HS6ST3: variants seen among roughly 807,000 people sequenced by gnomAD.
HS6ST3 encodes the protein heparan-sulfate 6-O-sulfotransferase 3.
In HS6ST3, 12 loss-of-function variants were observed where a neutral mutation model predicts 36.7. The ratio of observed to expected loss-of-function variants is 0.33; its 90% CI spans 0.21 to 0.53. The LOEUF (loss-of-function observed/expected upper bound fraction) is 0.53, where lower values mean the gene tolerates loss of function less well. Among genes scored for constraint, HS6ST3 ranks in the 20% least tolerant of loss-of-function variants. The pLI is 0.95. For missense variants in HS6ST3, 584 were observed against 640.9 expected (o/e 0.91, Z 0.96); for synonymous variants, 240 against 257.5 (o/e 0.93, Z 0.65).
At chr13:96,154,143 TATA>T (rs986367249) in intron 1 of HS6ST3, among the ~76,000 whole-genome samples, 6 of 152,140 alleles carry the variant, frequency 3.9e-5, no homozygotes, top group Admixed American at 6.5e-5. Flanking sequence ...TAATATTAAT[TATA>T]ATGTTAATAT....
chr13:96,509,454 C>G (rs909174443), intron 1 of HS6ST3, among the ~76,000 whole-genome samples: 3 of 152,036 alleles, frequency 2.0e-5, no homozygotes, highest in African/African-American at 4.8e-5. Flanking sequence ...CCAATGTTGT[C>G]TTATAGAATG....
At chr13:96,330,496 T>C (rs1008695279) in intron 1 of HS6ST3, among the ~76,000 whole-genome samples, 3 of 151,762 alleles carry the variant, frequency 2.0e-5, no homozygotes, top group African/African-American at 7.2e-5. Context: ...TCTTTAAGAA[T>C]GTTGAATATT....
intron 1 of HS6ST3, among the ~76,000 whole-genome samples, chr13:96,685,529 A>C (rs2138440672): frequency 6.6e-6 from 1 of 152,132 alleles, no homozygotes; most frequent in South Asian, 2.1e-4. Context: ...CTACATAGAA[A>C]ATGAACCTGA....
chr13:96,247,387 G>A (rs959437894), intron 1 of HS6ST3, among the ~76,000 whole-genome samples: 4 of 152,098 alleles, frequency 2.6e-5, no homozygotes, highest in African/African-American at 7.2e-5. Context: ...TGATTGGATC[G>A]TGGGGGTGGT....
intron 1 of HS6ST3, among the ~76,000 whole-genome samples, chr13:96,652,342 C>T (rs1243026253): frequency 1.3e-5 from 2 of 151,826 alleles, no homozygotes; most frequent in East Asian, 3.9e-4. Context: ...CCGTCCCTTT[C>T]CTCTCCCCAT....
At chr13:96,814,815 C>T (rs2138537649) in intron 1 of HS6ST3, among the ~76,000 whole-genome samples, 1 of 152,168 alleles carries the variant, frequency 6.6e-6, no homozygotes, top group African/African-American at 2.4e-5. Context: ...TTTCTAAGAA[C>T]TTCTACTTTT....
intron 1 of HS6ST3, among the ~76,000 whole-genome samples, chr13:96,625,413 A>T (rs2056508790): frequency 6.6e-6 from 1 of 152,192 alleles, no homozygotes; most frequent in Non-Finnish European, 1.5e-5. Context: ...TAAGTCATTT[A>T]CATGTCCAAC....
intron 1 of HS6ST3, among the ~76,000 whole-genome samples, chr13:96,368,332 G>A (rs117119771): frequency 0.015 from 2,228 of 152,190 alleles, 27 homozygotes; most frequent in East Asian, 0.056. Context: ...TAAAAGGAAG[G>A]CTAGTTTGTG....
chr13:96,113,752 G>T (rs533122500), intron 1 of HS6ST3, among the ~76,000 whole-genome samples: 2 of 152,212 alleles, frequency 1.3e-5, no homozygotes, highest in South Asian at 4.2e-4. Flanking sequence ...TTTGTACCAG[G>T]AATCTCACCT....
chr13:96,565,964 A>G (rs924331041), intron 1 of HS6ST3, among the ~76,000 whole-genome samples: 2 of 152,328 alleles, frequency 1.3e-5, no homozygotes, highest in Non-Finnish European at 1.5e-5. Context: ...TCAGAATAAA[A>G]GGTACCTGAT....
chr13:96,548,284 C>T (rs1029743092), intron 1 of HS6ST3, among the ~76,000 whole-genome samples: 1 of 152,118 alleles, frequency 6.6e-6, no homozygotes, highest in Non-Finnish European at 1.5e-5. Context: ...ACGCACCTTG[C>T]TTATCCATCC....
intron 1 of HS6ST3, among the ~76,000 whole-genome samples, chr13:96,276,536 G>A (rs1594740596): frequency 1.3e-5 from 2 of 152,268 alleles, no homozygotes; most frequent in Middle Eastern, 3.4e-3. Context: ...AGTATAAATA[G>A]TCACCTGTAT....
chr13:96,190,128 A>G (rs922172334), intron 1 of HS6ST3, among the ~76,000 whole-genome samples: 1 of 152,220 alleles, frequency 6.6e-6, no homozygotes, highest in Non-Finnish European at 1.5e-5. Flanking sequence ...AAGCTTATAT[A>G]GTGTTTGATA....
intron 1 of HS6ST3, among the ~76,000 whole-genome samples, chr13:96,387,404 C>G (rs535762244): frequency 1.3e-5 from 2 of 152,292 alleles, no homozygotes; most frequent in East Asian, 3.9e-4. Flanking sequence ...TCTCTATATA[C>G]TGGATTAGAT....
intron 1 of HS6ST3, among the ~76,000 whole-genome samples, chr13:96,709,676 A>G (rs1451631754): frequency 1.3e-5 from 2 of 152,178 alleles, no homozygotes; most frequent in African/African-American, 4.8e-5. Context: ...CCAAGAACCC[A>G]ACCATGCTGG....
At chr13:96,093,225 G>A (rs779421697) in intron 1 of HS6ST3, among the ~76,000 whole-genome samples, 13 of 152,142 alleles carry the variant, frequency 8.5e-5, no homozygotes, top group Admixed American at 2.0e-4. Context: ...GTAGGGGCTG[G>A]CATTATTTTT....
At chr13:96,686,935 T>C (rs1874797037) in intron 1 of HS6ST3, among the ~76,000 whole-genome samples, 1 of 152,050 alleles carries the variant, frequency 6.6e-6, no homozygotes, top group South Asian at 2.1e-4. Context: ...TCAGGTATAT[T>C]AAAATGTGGG....
intron 1 of HS6ST3, among the ~76,000 whole-genome samples, chr13:96,536,323 A>G (rs2056155249): frequency 6.6e-6 from 1 of 152,124 alleles, no homozygotes; most frequent in Admixed American, 6.6e-5. Flanking sequence ...TTATTTTGCT[A>G]TTTACTAATT....
intron 1 of HS6ST3, among the ~76,000 whole-genome samples, chr13:96,410,472 A>T (rs1050555846): frequency 1.3e-5 from 2 of 151,976 alleles, no homozygotes; most frequent in South Asian, 2.1e-4. Flanking sequence ...GATATGAATT[A>T]AAAAAAATAC....
Sources: gnomAD v4.1 joint callset for allele counts (sites outside exome capture counted in the v4.1 genomes callset) on GRCh38, gnomAD v4.1.1 for gene constraint, MANE v1.5 for transcripts, NCBI Gene and HGNC (gene_info 2026-07-23, HGNC 2026-07-21) for gene names.